Variants in MDGA2 observed in about 807,000 individuals in gnomAD.
MDGA2 encodes MAM domain containing glycosylphosphatidylinositol anchor 2, also known as MAM domain-containing glycosylphosphatidylinositol anchor protein 2.
In MDGA2, 40 loss-of-function variants were observed where a neutral mutation model predicts 117.8. That is an observed-to-expected ratio of 0.34 (90% CI 0.26 to 0.44). MDGA2 has a LOEUF of 0.44. MDGA2 is among the 20% of genes least tolerant of loss of function. The pLI, the probability that MDGA2 is intolerant of heterozygous loss-of-function variation, is 1.00. For synonymous variants in MDGA2, 452 were observed against 439.0 expected (o/e 1.03, Z -0.37); for missense variants, 1,123 against 1,250.6 (o/e 0.90, Z 1.54).
At chr14:47,644,544 G>A (rs901663520) in intron 1 of MDGA2, among the ~76,000 whole-genome samples, 3 of 152,062 alleles carry the variant, frequency 2.0e-5, no homozygotes, top group African/African-American at 4.8e-5. Flanking sequence ...GTTACCAGAC[G>A]CTGGAGAGGG....
chr14:47,591,362 G>A (rs939581384), intron 1 of MDGA2, among the ~76,000 whole-genome samples: 6 of 152,082 alleles, frequency 3.9e-5, no homozygotes, highest in Non-Finnish European at 5.9e-5. Context: ...AATTCTACCA[G>A]AGGTACAAAG....
chr14:47,052,540 G>T (rs564891520), intron 7 of MDGA2, among the ~76,000 whole-genome samples: 3 of 151,800 alleles, frequency 2.0e-5, no homozygotes, highest in African/African-American at 7.2e-5. Context: ...AATTCTAATA[G>T]AAAAACATGT....
intron 1 of MDGA2, among the ~76,000 whole-genome samples, chr14:47,668,317 T>C (rs1898013543): frequency 6.6e-6 from 1 of 152,198 alleles, no homozygotes; most frequent in Admixed American, 6.5e-5. Context: ...ATTAAGTACA[T>C]GCCCCATTAT....
intron 1 of MDGA2, among the ~76,000 whole-genome samples, chr14:47,486,984 G>A (rs998769600): frequency 9.2e-5 from 14 of 152,172 alleles, no homozygotes; most frequent in Admixed American, 5.9e-4. Flanking sequence ...TCATTCTTAT[G>A]TATAAATAAG....
chr14:47,209,566 A>T (rs140634991), intron 3 of MDGA2, among the ~76,000 whole-genome samples: 144 of 152,296 alleles, frequency 9.5e-4, no homozygotes, highest in African/African-American at 3.2e-3. Context: ...TTGAGATAGG[A>T]CTAAACTGAT....
rs544961652 is a variant in MDGA2, at chr14:47,207,126, G to A, written c.595+10895C>T. On this transcript the variant is annotated intron_variant, in intron 3 of 16. Coordinates refer to ENST00000399232, the MANE Select transcript of MDGA2 (RefSeq NM_001113498.3). Reference sequence around the variant, plus strand: ...TTTGGACATAGTTACAGTAAATAATGACATAAGGTGACCTCTACTCTGTAG... The same window carrying A: ...TTTGGACATAGTTACAGTAAATAATAACATAAGGTGACCTCTACTCTGTAG... 6.3e-4 allele frequency among the ~76,000 whole-genome samples: 96 copies of A among 152,054 alleles called. 1 individual carries two copies. The South Asian group carries it at 0.018, about 29-fold the overall frequency.
intron 3 of MDGA2, among the ~76,000 whole-genome samples, chr14:47,184,444 C>G (rs889692623): frequency 6.6e-6 from 1 of 151,862 alleles, no homozygotes; most frequent in African/African-American, 2.4e-5. Context: ...TAAATTGATA[C>G]TGGTATAACT....
Position 47,004,538 on chromosome 14 carries a change from T to C in MDGA2, c.1819+30473A>G, listed in dbSNP as rs896530517. 3.3e-5 allele frequency among the ~76,000 whole-genome samples: 5 copies of C among 151,794 alleles called. No homozygotes were observed. The South Asian group carries it at 6.2e-4, about 19-fold the overall frequency. Reference sequence around the variant, plus strand: ...CCTTTCCAAATTACTCTGGCCATAGTTGTTCCCTTATATTTCCATCTAAAT... The same window carrying C: ...CCTTTCCAAATTACTCTGGCCATAGCTGTTCCCTTATATTTCCATCTAAAT... On this transcript the variant is annotated intron_variant, in intron 8 of 16. Transcript: ENST00000399232.
chr14:47,234,896 C>T (rs954379807), intron 2 of MDGA2, among the ~76,000 whole-genome samples: 3 of 152,048 alleles, frequency 2.0e-5, no homozygotes, highest in Non-Finnish European at 2.9e-5. Flanking sequence ...CAGTCAATTA[C>T]GGTATATTTA....
intron 10 of MDGA2, among the ~76,000 whole-genome samples, chr14:46,892,744 A>G (rs1360024047): frequency 1.3e-5 from 2 of 152,046 alleles, no homozygotes; most frequent in African/African-American, 4.8e-5. Flanking sequence ...GTCAACAGGT[A>G]GATGAAAAGG....
At chr14:47,607,449 C>A (rs2138894147) in intron 1 of MDGA2, among the ~76,000 whole-genome samples, 1 of 152,220 alleles carries the variant, frequency 6.6e-6, no homozygotes, top group Admixed American at 6.6e-5. Context: ...ATCAACATAA[C>A]TATTCCTTAG....
Position 46,879,876 on chromosome 14 carries a change from G to A in MDGA2, c.2416+2168C>T, listed in dbSNP as rs190877166. Among the ~76,000 whole-genome samples the A allele has an allele frequency of 3.9e-3, 588 of 152,204 alleles. 8 individuals are homozygous for A. Among genetic ancestry groups the A allele is most frequent in the African/African-American group, 0.012 (511 of 41,526 alleles). On this transcript the variant is annotated intron_variant, in intron 11 of 16. Transcript: ENST00000399232. ...TAAGTACAAACAACTTTAATGAGTT[G>A]TTAATAGTTTTACTTCATATTTCAC...
intron 15 of MDGA2, among the ~76,000 whole-genome samples, chr14:46,848,337 T>G (rs987834289): frequency 1.3e-5 from 2 of 152,028 alleles, no homozygotes; most frequent in African/African-American, 4.8e-5. Flanking sequence ...ACACAATTGC[T>G]TTCACTTAGT....
intron 14 of MDGA2, among the ~76,000 whole-genome samples, chr14:46,858,606 T>C (rs990811601): frequency 6.6e-6 from 1 of 151,860 alleles, no homozygotes; most frequent in African/African-American, 2.4e-5. Flanking sequence ...TTTTTGTATT[T>C]TTAGTAGAGA....
At chr14:46,895,712 G>A (rs1883049620) in intron 10 of MDGA2, among the ~76,000 whole-genome samples, 1 of 151,296 alleles carries the variant, frequency 6.6e-6, no homozygotes, top group African/African-American at 2.4e-5. Flanking sequence ...GGGCGACAGA[G>A]CAAGACCCTG....
intron 1 of MDGA2, among the ~76,000 whole-genome samples, chr14:47,455,410 G>A (rs953934656): frequency 6.6e-6 from 1 of 152,070 alleles, no homozygotes; most frequent in African/African-American, 2.4e-5. Context: ...AGAGGCGGAG[G>A]CACAAGAATT....
chr14:47,558,547 T>C (rs1014808804), intron 1 of MDGA2, among the ~76,000 whole-genome samples: 1 of 152,176 alleles, frequency 6.6e-6, no homozygotes, highest in Non-Finnish European at 1.5e-5. Flanking sequence ...GTGATGTAAA[T>C]TGACAAAATA....
At chr14:46,894,418 T>A (rs1883000223) in intron 10 of MDGA2, among the ~76,000 whole-genome samples, 1 of 141,198 alleles carries the variant, frequency 7.1e-6, no homozygotes, top group Admixed American at 6.8e-5. Context: ...AATTTATAAA[T>A]TTTTTTTTCA....
intron 3 of MDGA2, among the ~76,000 whole-genome samples, chr14:47,175,229 A>T (rs1594695871): frequency 6.6e-6 from 1 of 151,670 alleles, no homozygotes; most frequent in South Asian, 2.1e-4. Flanking sequence ...TACAAGGAGG[A>T]ACTGGTACCA....
Sources: gnomAD v4.1 joint callset for allele counts (sites outside exome capture counted in the v4.1 genomes callset) on GRCh38, gnomAD v4.1.1 for gene constraint, MANE v1.5 for transcripts, NCBI Gene and HGNC (gene_info 2026-07-23, HGNC 2026-07-21) for gene names.